Variants in SPICE1 observed in about 807,000 individuals in gnomAD.
SPICE1 encodes the protein spindle and centriole associated protein 1, also known as spindle and centriole-associated protein 1.
A neutral mutation model predicts 102.7 loss-of-function variants in SPICE1; 75 were observed. The observed-to-expected ratio is 0.73, with a 90% CI of 0.61 to 0.88. The LOEUF is 0.88. SPICE1 is among the 40% of genes least tolerant of loss of function. The pLI is 0.00. For missense variants in SPICE1, 979 were observed against 1,020.1 expected, an observed-to-expected ratio of 0.96 and a Z score of 0.55; for synonymous variants, 308 against 350.3, an observed-to-expected ratio of 0.88 and a Z score of 1.35.
At chr3:113,465,838 A>G (rs1475426648) in intron 10 of SPICE1, 54 bp from the exon 11 acceptor site, 2 of 1,572,240 alleles carry the variant, frequency 1.3e-6, no homozygotes, top group Non-Finnish European at 1.7e-6. Context: ...GTTGAAAACT[A>G]AAAGTTTGCA....
At chr3:113,489,847 CAAAAAA>C (rs35823502) in intron 6 of SPICE1, among the ~76,000 whole-genome samples, 12 of 80,190 alleles carry the variant, frequency 1.5e-4, no homozygotes, top group African/African-American at 3.5e-4. Flanking sequence ...GACCCTGTCT[CAAAAAA>C]AAAAAAAAAA....
chr3:113,454,595 A>T (rs1422738849), intron 13 of SPICE1, among the ~76,000 whole-genome samples: 3 of 152,154 alleles, frequency 2.0e-5, no homozygotes, highest in African/African-American at 7.2e-5. Flanking sequence ...GCACGGCTGT[A>T]ATCCCAGCTA....
chr3:113,473,819 C>A (rs1936267626), intron 7 of SPICE1, among the ~76,000 whole-genome samples: 1 of 151,814 alleles, frequency 6.6e-6, no homozygotes, highest in African/African-American at 2.4e-5. Flanking sequence ...CCGGTACCAG[C>A]CGCTGCAAAA....
rs558831983 is a variant in SPICE1, at chr3:113,468,412, T to C, written c.890-8A>G. Reference sequence around the variant, plus strand: ...AATTCGGTTTCCTTTTCACTGATAATGAGAGAAGTCATTCTATTTTAAGAC... The same window carrying C: ...AATTCGGTTTCCTTTTCACTGATAACGAGAGAAGTCATTCTATTTTAAGAC... On this transcript the variant is annotated splice_region_variant and splice_polypyrimidine_tract_variant and intron_variant, in intron 9 of 17. Coordinates refer to ENST00000295872, the MANE Select transcript of SPICE1 (RefSeq NM_144718.4). The C allele has an allele frequency of 1.8e-5, 29 of 1,609,230 alleles. No homozygotes were observed. In the African/African-American group the frequency reaches 3.3e-4, roughly 19 times the overall value.
At chr3:113,446,996 C>T (rs530243225) in intron 16 of SPICE1, among the ~76,000 whole-genome samples, 12 of 152,034 alleles carry the variant, frequency 7.9e-5, no homozygotes, top group Non-Finnish European at 1.3e-4. Context: ...ATGCTATTCT[C>T]GTGATAGTAA....
Position 113,489,011 on chromosome 3 carries a change from C to G in SPICE1, c.545G>C (p.Gly182Ala), listed in dbSNP as rs1936707179. The stretch of plus-strand genomic sequence containing the variant: ...CAACTCATTCTCATTCTCACTTTCT[C>G]CTGACTGGCTATTAACAGTTCCTTC... ...EEEGTVNSQS[G>A]ESENENELDN... Residue 182 changes from glycine (G) to alanine (A), a missense_variant, in exon 7 of 18, where the codon GGA (glycine) becomes GCA (alanine). By Grantham distance (60) the Gly-to-Ala change is moderately conservative (BLOSUM62 0). Transcript: ENST00000295872. 5 of 1,613,798 alleles carry G rather than the reference C, an allele frequency of 3.1e-6. No homozygotes were observed. Among genetic ancestry groups the G allele is most frequent in the Non-Finnish European group, 4.2e-6 (5 of 1,179,828 alleles).
chr3:113,459,524 T>C, intron 12 of SPICE1: 4 of 984,996 alleles, frequency 4.1e-6, no homozygotes, highest in Non-Finnish European at 4.8e-6. Context: ...AATTAAAAGC[T>C]TTCTCAGTAG....
Position 113,468,300 on chromosome 3 carries a change from C to T in SPICE1, c.994G>A (p.Asp332Asn). The T allele has an allele frequency of 6.2e-7, 1 of 1,614,114 alleles. No homozygotes were observed. The highest frequency in any genetic ancestry group is 8.5e-7 in the Non-Finnish European group (1 of 1,180,032). Residue 332 changes from aspartate (D) to asparagine (N), a missense_variant, in exon 10 of 18, where the codon GAT becomes AAT. Physicochemically the swap from Asp to Asn is conservative, Grantham distance 23 (BLOSUM62 1). Transcript: ENST00000295872. ...DLPNRTNSNL[D>N]VLKHMIHEVE... ...TCATGTATCATGTGTTTGAGGACAT[C>T]CAGGTTGGAATTAGTCCTATTTGGT...
chr3:113,502,230 G>T (rs1325178821), intron 3 of SPICE1, among the ~76,000 whole-genome samples: 2 of 152,108 alleles, frequency 1.3e-5, no homozygotes, highest in African/African-American at 4.8e-5. Flanking sequence ...ACAAAACTTA[G>T]CCAGGCGTGG....
chr3:113,482,808 C>A (rs1200706155), intron 7 of SPICE1, among the ~76,000 whole-genome samples: 1 of 152,136 alleles, frequency 6.6e-6, no homozygotes, highest in Non-Finnish European at 1.5e-5. Flanking sequence ...GTTACTGCAG[C>A]CTTGTAGTAT....
Position 113,481,423 on chromosome 3 carries a change from T to TTAA in SPICE1, c.611+7521_611+7522insTTA, listed in dbSNP as rs1559968276. On this transcript the variant is annotated intron_variant, in intron 7 of 17. Coordinates refer to ENST00000295872, the MANE Select transcript of SPICE1 (RefSeq NM_144718.4). ...AGACTTTTTTTTTTCTAGTTTTTTT[T>TTAA]TTATTATTATACTTTAAGTTCTGGG... Among the ~76,000 whole-genome samples the TTAA allele has an allele frequency of 5.3e-5, 8 of 151,878 alleles. No homozygotes were observed. In the South Asian group the frequency reaches 1.5e-3, roughly 28 times the overall value.
At chr3:113,487,639 G>A (rs1249899057) in intron 7 of SPICE1, among the ~76,000 whole-genome samples, 1 of 152,038 alleles carries the variant, frequency 6.6e-6, no homozygotes, top group Non-Finnish European at 1.5e-5. Flanking sequence ...CATTAAAGAA[G>A]ATACGTTAAA....
chr3:113,492,770 C>T (rs889761545), intron 6 of SPICE1, among the ~76,000 whole-genome samples: 2 of 152,116 alleles, frequency 1.3e-5, no homozygotes, highest in Non-Finnish European at 2.9e-5. Context: ...ATTAAGAAAT[C>T]AGCTCAAGAA....
At chr3:113,451,693 C>T (rs759489263) in intron 14 of SPICE1, among the ~76,000 whole-genome samples, 2 of 152,142 alleles carry the variant, frequency 1.3e-5, no homozygotes, top group Non-Finnish European at 2.9e-5. Context: ...ATATAAATGC[C>T]TCCCAGTGAC....
chr3:113,494,029 C>A lies in SPICE1; in HGVS notation c.385+20G>T, dbSNP rs1400473835. ...GGCTACAGTTAATAAAATAGAGAAGCTTTTGTTTGAATTGAATACCTGTGC... is the reference window on the plus strand; with the variant it reads ...GGCTACAGTTAATAAAATAGAGAAGATTTTGTTTGAATTGAATACCTGTGC... On this transcript the variant is annotated intron_variant, in intron 5 of 17. Coordinates refer to ENST00000295872, the MANE Select transcript of SPICE1 (RefSeq NM_144718.4). 6.5e-7 allele frequency: 1 copy of A among 1,548,546 alleles called. No homozygotes were observed. The highest frequency in any genetic ancestry group is 1.2e-5 in the South Asian group (1 of 85,834).
In SPICE1 at chr3:113,448,202, T is replaced by G. The variant is rs9849068; in HGVS notation, c.2324-62A>C. The G allele has an allele frequency of 2.1e-6, 3 of 1,425,582 alleles. No homozygotes were observed. The East Asian group carries it at 7.3e-5, about 35-fold the overall frequency. The allele number at this position is 1,425,582 out of a possible 1,614,324, so 88.3% of individuals were successfully genotyped here. A position where few individuals can be genotyped will look rare whatever the true frequency, so the allele number is the denominator to read the frequency against. ...TCAATGAAATAAAAATTTCACTCAA[T>G]TTCTATCTTACTGCAAACTGCACAT... On this transcript the variant is annotated intron_variant, in intron 15 of 17. Coordinates refer to ENST00000295872, the MANE Select transcript of SPICE1 (RefSeq NM_144718.4).
intron 7 of SPICE1, among the ~76,000 whole-genome samples, chr3:113,486,216 T>C (rs891734436): frequency 1.5e-4 from 14 of 93,062 alleles, no homozygotes; most frequent in Non-Finnish European, 2.3e-4. Context: ...TTCTCATATA[T>C]ATATATATAT....
intron 14 of SPICE1, among the ~76,000 whole-genome samples, chr3:113,451,321 T>C (rs985589699): frequency 5.9e-5 from 9 of 152,150 alleles, no homozygotes; most frequent in South Asian, 2.1e-4. Context: ...AATTTGAAAA[T>C]TCCCCCCCCA....
At chr3:113,457,863 T>A (rs966834942) in intron 12 of SPICE1, among the ~76,000 whole-genome samples, 3 of 152,182 alleles carry the variant, frequency 2.0e-5, no homozygotes, top group Non-Finnish European at 2.9e-5. Flanking sequence ...TTCACCATGC[T>A]GCCTAGGCTG....
Sources: gnomAD v4.1 joint callset for allele counts (sites outside exome capture counted in the v4.1 genomes callset) on GRCh38, gnomAD v4.1.1 for gene constraint, MANE v1.5 for transcripts, NCBI Gene and HGNC (gene_info 2026-07-23, HGNC 2026-07-21) for gene names.